The following TSPAN17 variants were observed in gnomAD, a reference collection of about 807,000 sequenced individuals.
TSPAN17 encodes the protein tetraspanin-17.
A neutral mutation model predicts 40.5 loss-of-function variants in TSPAN17; 33 were observed. That is an observed-to-expected ratio of 0.81 (90% CI 0.62 to 1.09). The LOEUF is 1.09. Ranked by LOEUF, TSPAN17 falls within the 50% of genes least tolerant of loss-of-function variation. TSPAN17 has a pLI of 0.00. For synonymous variants in TSPAN17, 166 were observed against 169.4 expected (o/e 0.98, Z 0.15); for missense variants, 365 against 416.8 (o/e 0.88, Z 1.08).
At chr5:176,647,821 C>A (rs570831255) in intron 1 of TSPAN17, 119 bp downstream of exon 1, 18 of 940,132 alleles carry the variant, frequency 1.9e-5, no homozygotes, top group Non-Finnish European at 2.5e-5. Flanking sequence ...ACCATCCCCC[C>A]ACTTCTGCCA....
intron 4 of TSPAN17, chr5:176,653,913 A>G (rs1761058917): frequency 6.6e-6 from 1 of 152,258 alleles, no homozygotes; most frequent in Non-Finnish European, 1.5e-5. Context: ...GCAGTCGGGA[A>G]GAGACAGATG....
chr5:176,656,013 C>G, intron 5 of TSPAN17, 65 bp from the exon 6 acceptor site: 1 of 1,509,186 alleles, frequency 6.6e-7, no homozygotes, highest in Non-Finnish European at 9.2e-7. Context: ...ACCGCACTGC[C>G]CAGGTACCAT....
rs1263603078 is a variant in TSPAN17, at chr5:176,651,718, T to C, written c.139-36T>C. 1.2e-6 allele frequency: 2 copies of C among 1,613,860 alleles called. No individual in the cohort carries two copies. Among genetic ancestry groups the C allele is most frequent in the East Asian group, 4.5e-5 (2 of 44,866 alleles). ...GGTATGGGACGAGGTGGTGGGAAGGTCAGCTCCCCACACCTGCCTCTGCTG... is the reference window on the plus strand; with the variant it reads ...GGTATGGGACGAGGTGGTGGGAAGGCCAGCTCCCCACACCTGCCTCTGCTG... On this transcript the variant is annotated intron_variant, in intron 2 of 8. Transcript: ENST00000508164. The surrounding 1 kb of genome is among the most constrained non-coding windows in gnomAD (Gnocchi z 4.5).
In TSPAN17 at chr5:176,656,892, C is replaced by T; in HGVS notation, c.748-3C>T. The T allele has an allele frequency of 6.2e-7, 1 of 1,614,236 alleles. No homozygotes were observed. ...CTCCCCTCACCTGTCCTCTGTCTTA[C>T]AGATCTTTGGCATCTGCCTGGCCCA... is the stretch of plus-strand genomic sequence containing the variant. On this transcript the variant is annotated splice_polypyrimidine_tract_variant and splice_region_variant and intron_variant, in intron 7 of 8. Coordinates refer to ENST00000508164, the MANE Select transcript of TSPAN17 (RefSeq NM_130465.5).
In TSPAN17 at chr5:176,657,664, G is replaced by A. The variant is rs1410716146; in HGVS notation, c.956G>A (p.Gly319Asp). The part of the protein sequence containing the change: ...PSRHVFFGLG[G>D]LYPEPTFKNW ...CGACATGTTTTCTTTGGCCTGGGTG[G>A]TTTATACCCTGAGCCAACCTTTAAA... is the stretch of plus-strand genomic sequence containing the variant. The change falls in exon 9 of 9, where the codon GGT becomes GAT. Residue 319 changes from glycine to aspartate, a missense_variant. Coordinates refer to ENST00000508164, the MANE Select transcript of TSPAN17 (RefSeq NM_130465.5). 6.3e-7 allele frequency: 1 copy of A among 1,591,956 alleles called. No individual in the cohort carries two copies. The highest frequency in any genetic ancestry group is 8.5e-7 in the Non-Finnish European group (1 of 1,172,456).
At chr5:176,649,725 C>G (rs1473380189) in intron 1 of TSPAN17, among the ~76,000 whole-genome samples, 1 of 152,230 alleles carries the variant, frequency 6.6e-6, no homozygotes, top group Non-Finnish European at 1.5e-5. Context: ...CCACGCCCGG[C>G]CATCCTGCTC....
intron 1 of TSPAN17, among the ~76,000 whole-genome samples, chr5:176,649,146 G>A (rs1760862802): frequency 6.6e-6 from 1 of 152,134 alleles, no homozygotes; most frequent in South Asian, 2.1e-4. Flanking sequence ...GCTGCTGTGT[G>A]GAGGGTGGAT....
rs373150723 is a variant in TSPAN17, at chr5:176,656,109, A to T, written c.614A>T (p.Asp205Val). 22 of 1,614,032 alleles carry T rather than the reference A, an allele frequency of 1.4e-5. No individual in the cohort carries two copies. The highest frequency in any genetic ancestry group is 1.8e-5 in the Non-Finnish European group (21 of 1,180,018). Residue 205 changes from aspartate to valine, a missense_variant, in exon 6 of 9, where the codon GAC (aspartate) becomes GTC (valine). Coordinates refer to ENST00000508164, the MANE Select transcript of TSPAN17 (RefSeq NM_130465.5). ...EDVLNTQCGY[D>V]VRLKLELEQQ... is the part of the protein sequence containing the mutation. ...GTCCTCAACACCCAGTGTGGCTACG[A>T]CGTCCGGCTCAAACTGGTGAGAGGG...
At chr5:176,657,329 C>T (rs1477573857) in intron 8 of TSPAN17, 189 bp from the exon 9 acceptor site, 1 of 1,050,146 alleles carries the variant, frequency 9.5e-7, no homozygotes, top group African/African-American at 1.6e-5. Context: ...TCCCTGCCCC[C>T]CAGTGCTGGG....
rs1454183668 is a variant in TSPAN17, at chr5:176,651,677, G to A, written c.138+11G>A. 6.8e-6 allele frequency: 11 copies of A among 1,613,870 alleles called. No individual in the cohort carries two copies. Among genetic ancestry groups the A allele is most frequent in the East Asian group, 2.2e-5 (1 of 44,890 alleles). ...GCCTGGGGTGAGAAGGTAAGGCAGC[G>A]GGCGGGCGTGGAGCTGGTATGGGAC... On this transcript the variant is annotated intron_variant, in intron 2 of 8. Coordinates refer to ENST00000508164, the MANE Select transcript of TSPAN17 (RefSeq NM_130465.5). The surrounding 1 kb of genome is among the most constrained non-coding windows in gnomAD (Gnocchi z 4.5).
intron 1 of TSPAN17, among the ~76,000 whole-genome samples, chr5:176,648,882 G>C (rs1419396028): frequency 2.0e-5 from 3 of 152,224 alleles, no homozygotes; most frequent in South Asian, 2.1e-4. Context: ...AATAGACACA[G>C]AGAAATTAAG....
At chr5:176,655,967 C>T (rs1323625083) in intron 5 of TSPAN17, 111 bp from the exon 6 acceptor site, 3 of 944,496 alleles carry the variant, frequency 3.2e-6, no homozygotes, top group East Asian at 4.8e-5. Flanking sequence ...CGGCAGAATC[C>T]ACGGGCCCAT....
chr5:176,657,054 CAGG>C lies in TSPAN17; in HGVS notation c.809+101_809+103del. 4 of 1,262,264 alleles carry C rather than the reference CAGG, an allele frequency of 3.2e-6. No homozygotes were observed. The South Asian group carries it at 4.3e-5, about 14-fold the overall frequency. 78.2% of individuals were successfully genotyped at this position (1,262,264 alleles called of 1,614,324 possible). The stretch of plus-strand genomic sequence containing the variant: ...ACTATACTCCTGACGGGCAAGGCTG[CAGG>C]AGATGTTCCTGCTGGGACTGAGCCT... On this transcript the variant is annotated intron_variant, in intron 8 of 8. Coordinates refer to ENST00000508164, the MANE Select transcript of TSPAN17 (RefSeq NM_130465.5).
rs763771305 is a variant in TSPAN17 at position 176,656,762 on chromosome 5, G to A, written c.693G>A (p.Leu231=). The change falls in exon 7 of 9, where the codon CTG becomes CTA. Residue 231 remains leucine (L), a synonymous_variant. Transcript: ENST00000508164. ...GCGTGGGCCAGTTTGAGAAGTGGCT[G>A]CAGGACAACCTGATTGTGGTGGCGG... ...KGCVGQFEKW[L]QDNLIVVAGV... is the part of the protein sequence containing the mutation. The A allele has an allele frequency of 6.2e-7, 1 of 1,614,228 alleles. No homozygotes were observed. The highest frequency in any genetic ancestry group is 1.1e-5 in the South Asian group (1 of 91,088).
chr5:176,656,393 C>T (rs1392092974), intron 6 of TSPAN17, among the ~76,000 whole-genome samples: 3 of 152,170 alleles, frequency 2.0e-5, no homozygotes, highest in Non-Finnish European at 4.4e-5. Context: ...ATGAGACAGT[C>T]GGCTCTGGAG....
In TSPAN17 at chr5:176,651,677, G is replaced by T. The variant is rs1454183668; in HGVS notation, c.138+11G>T. 6.2e-7 allele frequency: 1 copy of T among 1,613,986 alleles called. No individual in the cohort carries two copies. The highest frequency in any genetic ancestry group is 8.5e-7 in the Non-Finnish European group (1 of 1,179,888). ...GCCTGGGGTGAGAAGGTAAGGCAGC[G>T]GGCGGGCGTGGAGCTGGTATGGGAC... is the stretch of plus-strand genomic sequence containing the variant. On this transcript the variant is annotated intron_variant, in intron 2 of 8. Transcript: ENST00000508164. The surrounding 1 kb of genome is among the most constrained non-coding windows in gnomAD (Gnocchi z 4.5).
chr5:176,649,251 A>T (rs572056293), intron 1 of TSPAN17, among the ~76,000 whole-genome samples: 2 of 152,006 alleles, frequency 1.3e-5, no homozygotes, highest in African/African-American at 4.8e-5. Flanking sequence ...TGGGAAAGTC[A>T]AGAGGCTGAA....
intron 4 of TSPAN17, 67 bp downstream of exon 4, chr5:176,652,980 A>G: frequency 6.5e-6 from 10 of 1,544,454 alleles, no homozygotes; most frequent in Non-Finnish European, 8.9e-6. Flanking sequence ...TGAGGGAGCA[A>G]GTTCCCTGTG....
chr5:176,653,023 G>A (rs988095885), intron 4 of TSPAN17, 110 bp downstream of exon 4: 30 of 1,247,516 alleles, frequency 2.4e-5, no homozygotes, highest in Non-Finnish European at 2.6e-5. Context: ...CTGGGCTAGC[G>A]GGCCCCAGGA....
Sources: gnomAD v4.1 joint callset for allele counts (sites outside exome capture counted in the v4.1 genomes callset) on GRCh38, gnomAD v4.1.1 for gene constraint, Gnocchi (gnomAD v3.1) non-coding constraint, MANE v1.5 for transcripts, NCBI Gene and HGNC (gene_info 2026-07-23, HGNC 2026-07-21) for gene names.